Variants in BIN2 observed in about 807,000 individuals in gnomAD.
BIN2 encodes the protein bridging integrator 2.
Under a neutral mutation model 67.9 loss-of-function variants are expected in BIN2, and 43 were observed. That is an observed-to-expected ratio of 0.63 (90% CI 0.50 to 0.82). BIN2 has a LOEUF of 0.82. Among genes scored for constraint, BIN2 ranks in the 40% least tolerant of loss-of-function variants. The probability of loss-of-function intolerance (pLI) is 0.00; values close to 1 mark genes in which losing one functional copy is unlikely to be tolerated. For missense variants in BIN2, 581 were observed against 671.6 expected (o/e 0.87, Z 1.49); for synonymous variants, 244 against 246.8 (o/e 0.99, Z 0.11).
At position 51,294,052 on chromosome 12, in the gene BIN2, T is replaced by C. The variant is rs1044445747; in HGVS notation, c.762-1708A>G. Among the ~76,000 whole-genome samples the C allele has an allele frequency of 1.2e-4, 18 of 152,338 alleles. 1 individual carries two copies. The highest frequency in any genetic ancestry group is 1.1e-3 in the Admixed American group (17 of 15,296). ...ATGTAAAACATGTTCATCACAACAT[T>C]ATTTATAATAGCAAAAACCTAGAAG... On this transcript the variant is annotated intron_variant, in intron 9 of 12. Coordinates refer to ENST00000615107, the MANE Select transcript of BIN2 (RefSeq NM_016293.4).
chr12:51,303,956 T>G (rs1945799899), intron 2 of BIN2, among the ~76,000 whole-genome samples: 1 of 152,142 alleles, frequency 6.6e-6, no homozygotes, highest in South Asian at 2.1e-4. Flanking sequence ...CTGTTAAAAC[T>G]TTTTCTGGCT....
intron 7 of BIN2, 97 bp downstream of exon 7, chr12:51,299,106 G>A: frequency 3.4e-6 from 3 of 882,460 alleles, no homozygotes; most frequent in Non-Finnish European, 5.4e-6. Flanking sequence ...GGGCAGTGTG[G>A]GAATTTAAAT....
chr12:51,312,521 T>A (rs781201925), intron 2 of BIN2, among the ~76,000 whole-genome samples: 18 of 152,186 alleles, frequency 1.2e-4, no homozygotes, highest in Non-Finnish European at 2.5e-4. Flanking sequence ...ACAGCCTCCC[T>A]CTGTTCGTTA....
intron 1 of BIN2, among the ~76,000 whole-genome samples, chr12:51,317,982 C>T (rs1946176775): frequency 6.6e-6 from 1 of 151,518 alleles, no homozygotes; most frequent in Non-Finnish European, 1.5e-5. Flanking sequence ...AGCAAGACTC[C>T]GTCTCAAGAA....
chr12:51,299,109 A>C, intron 7 of BIN2, 94 bp downstream of exon 7: 1 of 897,608 alleles, frequency 1.1e-6, no homozygotes. Flanking sequence ...CAGTGTGGGA[A>C]TTTAAATCTA....
intron 1 of BIN2, among the ~76,000 whole-genome samples, chr12:51,316,590 C>T (rs1006864018): frequency 6.6e-6 from 1 of 152,170 alleles, no homozygotes; most frequent in Admixed American, 6.6e-5. Context: ...AGCTTCACTT[C>T]TCATACTCCT....
chr12:51,284,844 C>A, intron 11 of BIN2, 57 bp from the exon 12 acceptor site: 1 of 1,272,292 alleles, frequency 7.9e-7, no homozygotes, highest in Non-Finnish European at 1.2e-6. Context: ...AGCCTCTCAG[C>A]ATAGAAGTGT....
At chr12:51,311,507 G>T (rs1945994390) in intron 2 of BIN2, among the ~76,000 whole-genome samples, 1 of 152,004 alleles carries the variant, frequency 6.6e-6, no homozygotes, top group Non-Finnish European at 1.5e-5. Context: ...AGCCTCCCAG[G>T]TAGCTGGGAC....
Position 51,302,518 on chromosome 12 carries a change from C to G in BIN2, c.312+168G>C, listed in dbSNP as rs900750616. The G allele has an allele frequency of 1.9e-5, 12 of 635,900 alleles. No individual in the cohort carries two copies. In the East Asian group the frequency reaches 3.2e-4, roughly 17 times the overall value. The allele number at this position is 635,900 out of a possible 1,614,324, so 39.4% of individuals were successfully genotyped here. The stretch of plus-strand genomic sequence containing the variant: ...CAGATTAGGGAAAACTTGTTTTTAC[C>G]TTAACAGTTGTAGCTTCTTCCTACC... On this transcript the variant is annotated intron_variant, in intron 4 of 12. Coordinates refer to ENST00000615107, the MANE Select transcript of BIN2 (RefSeq NM_016293.4).
At chr12:51,313,800 C>T (rs1228453760) in intron 2 of BIN2, 23 bp downstream of exon 2, 1 of 1,595,308 alleles carries the variant, frequency 6.3e-7, no homozygotes, top group Admixed American at 1.7e-5. Flanking sequence ...TTCCAAGCTT[C>T]CCTCCCCTAC....
At chr12:51,303,256 A>G in intron 2 of BIN2, 115 bp from the exon 3 acceptor site, 1 of 1,041,102 alleles carries the variant, frequency 9.6e-7, no homozygotes, top group Non-Finnish European at 1.5e-6. Flanking sequence ...ATTTCTCTAA[A>G]TATTCACAAT....
intron 1 of BIN2, 59 bp downstream of exon 1, chr12:51,323,963 G>GCTGGGC (rs1946360899): frequency 6.3e-7 from 1 of 1,594,672 alleles, no homozygotes; most frequent in Non-Finnish European, 8.5e-7. Flanking sequence ...GCCCGGCCGG[G>GCTGGGC]CTCGGCCTCG....
intron 11 of BIN2, among the ~76,000 whole-genome samples, chr12:51,287,675 G>A (rs1291076400): frequency 1.4e-5 from 2 of 144,366 alleles, no homozygotes; most frequent in African/African-American, 2.6e-5. Flanking sequence ...TTTTTGAGAC[G>A]GAGTCTCGCT....
At chr12:51,284,540 G>A (rs908593997) in intron 12 of BIN2, among the ~76,000 whole-genome samples, 176 bp downstream of exon 12, 1 of 152,102 alleles carries the variant, frequency 6.6e-6, no homozygotes, top group African/African-American at 2.4e-5. Flanking sequence ...AAATGGGCAC[G>A]GAGATACCAC....
chr12:51,304,421 A>G (rs913871885), intron 2 of BIN2, among the ~76,000 whole-genome samples: 3 of 152,012 alleles, frequency 2.0e-5, no homozygotes, highest in African/African-American at 7.2e-5. Flanking sequence ...CCCTCTTCCC[A>G]TTTTGGTCTC....
chr12:51,302,450 A>G, intron 4 of BIN2: 1 of 541,534 alleles, frequency 1.8e-6, no homozygotes, highest in Non-Finnish European at 3.3e-6. Flanking sequence ...AACTTCCCAT[A>G]ATGTTTTAAA....
At chr12:51,324,511 A>T (rs1448170264), upstream of BIN2, 1 of 1,531,360 alleles carries the variant, frequency 6.5e-7, no homozygotes, top group Non-Finnish European at 8.7e-7. Flanking sequence ...GAGAGGACCT[A>T]CCATATCGAA....
chr12:51,297,304 C>G (rs529348159), intron 7 of BIN2, 140 bp from the exon 8 acceptor site: 1 of 740,622 alleles, frequency 1.4e-6, no homozygotes, highest in Non-Finnish European at 2.2e-6. Context: ...CACAGTGGCT[C>G]ACGCCTGTAA....
intron 9 of BIN2, 60 bp from the exon 10 acceptor site, chr12:51,292,404 C>A: frequency 1.4e-6 from 2 of 1,463,188 alleles, no homozygotes; most frequent in Non-Finnish European, 1.8e-6. Flanking sequence ...TGTAAATATG[C>A]AAAACTTACG....
Sources: allele counts gnomAD v4.1 joint callset (sites outside exome capture counted in the v4.1 genomes callset), GRCh38; gene constraint gnomAD v4.1.1; transcripts MANE v1.5; gene names NCBI Gene and HGNC (gene_info 2026-07-23, HGNC 2026-07-21).